Variants in MFN2 observed in about 807,000 individuals in gnomAD.
MFN2 encodes the protein mitofusin-2.
MFN2 carries 43 observed loss-of-function variants against 87.5 expected under a neutral mutation model. The observed-to-expected ratio is 0.49, with a 90% CI of 0.38 to 0.63. MFN2 has a LOEUF of 0.63. MFN2 is among the 30% of genes least tolerant of loss of function. The pLI, the probability that MFN2 is intolerant of heterozygous loss-of-function variation, is 0.00. For synonymous variants in MFN2, 337 were observed against 359.9 expected, an observed-to-expected ratio of 0.94 and a Z score of 0.72; for missense variants, 743 against 972.8, an observed-to-expected ratio of 0.76 and a Z score of 3.14.
intron 17 of MFN2, among the ~76,000 whole-genome samples, chr1:12,007,657 G>A (rs1639480331): frequency 6.6e-6 from 1 of 152,146 alleles, no homozygotes; most frequent in Non-Finnish European, 1.5e-5. Flanking sequence ...GAATATCCTC[G>A]CTTCCTTTTT....
At position 11,989,361 on chromosome 1, in the gene MFN2, C is replaced by T. The variant is rs1638573810; in HGVS notation, c.175+18C>T. On this transcript the variant is annotated intron_variant, in intron 3 of 18. Transcript: ENST00000235329. The stretch of plus-strand genomic sequence containing the variant: ...CCTTGAAGGTAAGGGGGCACCGGCT[C>T]AGCCAGGCCCGCTCTTACCTGTTTA... The T allele has an allele frequency of 6.2e-7, 1 of 1,613,232 alleles. No homozygotes were observed.
chr1:12,009,541 T>G (rs769379070), intron 17 of MFN2, 51 bp from the exon 18 acceptor site: 18 of 1,613,608 alleles, frequency 1.1e-5, no homozygotes, highest in Non-Finnish European at 1.4e-5. Context: ...AAGCCACCAG[T>G]GGCATCTTGC....
At chr1:11,998,916 C>G in intron 7 of MFN2, 38 bp downstream of exon 7, 5 of 1,611,466 alleles carry the variant, frequency 3.1e-6, no homozygotes, top group Non-Finnish European at 4.2e-6. Flanking sequence ...CTCCCAGCAC[C>G]CCCTGGGCAG....
At chr1:11,984,307 G>C (rs1638293863) in intron 2 of MFN2, among the ~76,000 whole-genome samples, 1 of 152,186 alleles carries the variant, frequency 6.6e-6, no homozygotes, top group Non-Finnish European at 1.5e-5. Context: ...TAAGGGAGTG[G>C]TGTGTGTGGT....
chr1:11,997,516 T>TG (rs1638965049), intron 6 of MFN2, 95 bp downstream of exon 6: 3 of 1,548,994 alleles, frequency 1.9e-6, no homozygotes. Context: ...GCCCCATCCT[T>TG]GCTCTGCTTA....
Position 11,996,151 on chromosome 1 carries a change from T to C in MFN2, c.312-5T>C. The C allele has an allele frequency of 6.2e-7, 1 of 1,614,146 alleles. No individual in the cohort carries two copies. The highest frequency in any genetic ancestry group is 8.5e-7 in the Non-Finnish European group (1 of 1,180,018). On this transcript the variant is annotated splice_region_variant and splice_polypyrimidine_tract_variant and intron_variant, in intron 4 of 18. Transcript: ENST00000235329. ...GCTTTGCTGACAGCTGTTACTTCCT[T>C]CTAGGACGAGCAATGGGAAGAGCAC...
intron 3 of MFN2, 85 bp downstream of exon 3, chr1:11,989,428 C>T: frequency 6.8e-7 from 1 of 1,473,982 alleles, no homozygotes; most frequent in Non-Finnish European, 9.3e-7. Flanking sequence ...AGGTATATCT[C>T]TGCTCCCAGG....
intron 18 of MFN2, 71 bp from the exon 19 acceptor site, chr1:12,011,425 G>T: frequency 6.7e-7 from 1 of 1,489,322 alleles, no homozygotes; most frequent in Non-Finnish European, 9.4e-7. Context: ...CCTTAGGATG[G>T]TGCCTGGCGG....
chr1:12,003,209 G>A lies in MFN2; in HGVS notation c.1161-783G>A, dbSNP rs1243647958. Among the ~76,000 whole-genome samples the A allele has an allele frequency of 3.9e-5, 6 of 151,968 alleles. No homozygotes were observed. The highest frequency in any genetic ancestry group is 3.3e-4 in the Admixed American group (5 of 15,236). ...GTGGCAATTCTGTTTTAGGGTACAC[G>A]CGTTTCCAGTTTTAGTCAGTTTTCT... is the stretch of plus-strand genomic sequence containing the variant. On this transcript the variant is annotated intron_variant, in intron 11 of 18. Transcript: ENST00000235329. This position sits in a 1 kb window ranked among gnomAD's most constrained non-coding sequence, Gnocchi z 4.1.
intron 17 of MFN2, among the ~76,000 whole-genome samples, chr1:12,008,130 A>T (rs1488072233): frequency 6.6e-6 from 1 of 152,190 alleles, no homozygotes; most frequent in African/African-American, 2.4e-5. Flanking sequence ...AACAAAATGG[A>T]GTCTCCTATG....
At position 12,005,727 on chromosome 1, in the gene MFN2, C is replaced by G; in HGVS notation, c.1512C>G (p.Leu504=). The G allele has an allele frequency of 6.2e-7, 1 of 1,614,232 alleles. No homozygotes were observed. The highest frequency in any genetic ancestry group is 1.1e-5 in the South Asian group (1 of 91,082). ...TCCTGACAGATGGCTTGAAACCCCT[C>G]CTTCCTGTGTCTGTGCGGAGTCAGA... ...QQDMIDGLKP[L]LPVSVRSQID... Residue 504 remains leucine, a synonymous_variant, in exon 15 of 19, where the codon CTC becomes CTG. Coordinates refer to ENST00000235329, the MANE Select transcript of MFN2 (RefSeq NM_014874.4).
chr1:11,997,221 G>A (rs2100825767), intron 5 of MFN2, 76 bp from the exon 6 acceptor site: 1 of 1,603,244 alleles, frequency 6.2e-7, no homozygotes, highest in South Asian at 1.1e-5. Flanking sequence ...CCACTGTGCT[G>A]TGATGCAGCG....
intron 1 of MFN2, among the ~76,000 whole-genome samples, chr1:11,981,470 G>A (rs1183497518): frequency 6.6e-6 from 1 of 152,212 alleles, no homozygotes; most frequent in Non-Finnish European, 1.5e-5. Flanking sequence ...TGCACTCCAG[G>A]AGCTTTGGAG....
chr1:12,002,876 C>T (rs1639237618), intron 11 of MFN2, among the ~76,000 whole-genome samples: 2 of 152,294 alleles, frequency 1.3e-5, no homozygotes, highest in South Asian at 4.1e-4. Context: ...GTACTTTTTA[C>T]ATAAATGCTG....
rs1356873679 is a variant in MFN2 at position 12,011,598 on chromosome 1, G to T, written c.*33G>T. Reference sequence around the variant, plus strand: ...CTGAGGCGGAGTCTGCGTGGAGAGGGGCGGTGCTGCCAGCCCTAAGTGCCA... The same window carrying T: ...CTGAGGCGGAGTCTGCGTGGAGAGGTGCGGTGCTGCCAGCCCTAAGTGCCA... On this transcript the variant is annotated 3_prime_UTR_variant, in exon 19 of 19. Transcript: ENST00000235329. The T allele has an allele frequency of 6.2e-7, 1 of 1,611,682 alleles. No individual in the cohort carries two copies. The highest frequency in any genetic ancestry group is 1.7e-5 in the Admixed American group (1 of 60,020).
intron 11 of MFN2, among the ~76,000 whole-genome samples, chr1:12,002,993 T>C (rs1569856914): frequency 1.3e-5 from 2 of 152,222 alleles, no homozygotes; most frequent in African/African-American, 4.8e-5. Context: ...CCTCTATCCT[T>C]GTTAGTATGT....
intron 14 of MFN2, 121 bp downstream of exon 14, chr1:12,005,048 G>T: frequency 1.3e-6 from 1 of 797,832 alleles, no homozygotes; most frequent in Admixed American, 2.0e-5. Context: ...GATTCAACTC[G>T]ATACCTTCAG....
At chr1:12,002,916 G>C (rs184611752) in intron 11 of MFN2, among the ~76,000 whole-genome samples, 1 of 152,174 alleles carries the variant, frequency 6.6e-6, no homozygotes, top group Non-Finnish European at 1.5e-5. Flanking sequence ...ACATGCTTCA[G>C]ATGTACAGAT....
Position 12,013,124 on chromosome 1 carries a change from CAG to C in MFN2, c.*1560_*1561del. The C allele has an allele frequency of 2.9e-6, 1 of 347,558 alleles. No individual in the cohort carries two copies. The highest frequency in any genetic ancestry group is 5.6e-6 in the Non-Finnish European group (1 of 178,174). The allele number at this position is 347,558 out of a possible 1,614,324, so 21.5% of individuals were successfully genotyped here. Reference sequence around the variant, plus strand: ...CCGGCGTGTGCCGGGCCTGAATGGACAGGGGCCACTTCACAGCATGTCAGGGA... The same window carrying C: ...CCGGCGTGTGCCGGGCCTGAATGGACGGGCCACTTCACAGCATGTCAGGGA... On this transcript the variant is annotated 3_prime_UTR_variant, in exon 19 of 19. Transcript: ENST00000235329.
Sources: gnomAD v4.1 joint callset for allele counts (sites outside exome capture counted in the v4.1 genomes callset) on GRCh38, gnomAD v4.1.1 for gene constraint, Gnocchi (gnomAD v3.1) non-coding constraint, MANE v1.5 for transcripts, NCBI Gene and HGNC (gene_info 2026-07-23, HGNC 2026-07-21) for gene names.